GABRB3: variants seen among roughly 807,000 people sequenced by gnomAD.
GABRB3 encodes gamma-aminobutyric acid receptor subunit beta-3.
Under a neutral mutation model 52.1 loss-of-function variants are expected in GABRB3, and 14 were observed. That is an observed-to-expected ratio of 0.27 (90% CI 0.18 to 0.42). The LOEUF (loss-of-function observed/expected upper bound fraction) is 0.42, where lower values mean the gene tolerates loss of function less well. GABRB3 is among the 10% of genes least tolerant of loss of function. The probability of loss-of-function intolerance (pLI) is 1.00; values close to 1 mark genes in which losing one functional copy is unlikely to be tolerated. For synonymous variants in GABRB3, 260 were observed against 232.3 expected, an observed-to-expected ratio of 1.12 and a Z score of -1.08; for missense variants, 307 against 609.1, an observed-to-expected ratio of 0.50 and a Z score of 5.22.
rs759056632 is a variant in GABRB3, at chr15:26,611,000, T to C, written c.461+10314A>G. Among the ~76,000 whole-genome samples the C allele has an allele frequency of 1.6e-3, 251 of 152,220 alleles. 3 individuals carry two copies. The highest frequency in any genetic ancestry group is 1.2e-3 in the Non-Finnish European group (80 of 68,038). ...TTGAGAAATGACTAATTTAGGCTTGTTGATTTAATGAAAACAGCCGAATCT... is the reference window on the plus strand; with the variant it reads ...TTGAGAAATGACTAATTTAGGCTTGCTGATTTAATGAAAACAGCCGAATCT... On this transcript the variant is annotated intron_variant, in intron 4 of 8. Coordinates refer to ENST00000311550, the MANE Select transcript of GABRB3 (RefSeq NM_000814.6).
At chr15:26,600,188 A>G (rs967327676) in intron 4 of GABRB3, among the ~76,000 whole-genome samples, 1 of 152,080 alleles carries the variant, frequency 6.6e-6, no homozygotes, top group African/African-American at 2.4e-5. Flanking sequence ...TTATCCAGTC[A>G]GATAAACAAG....
At chr15:26,684,302 G>A (rs994400181) in intron 3 of GABRB3, among the ~76,000 whole-genome samples, 1 of 152,298 alleles carries the variant, frequency 6.6e-6, no homozygotes, top group East Asian at 1.9e-4. Flanking sequence ...ATTCCTGGAC[G>A]CAGGGTGGAG....
At chr15:26,571,751 T>C (rs906911790) in intron 6 of GABRB3, among the ~76,000 whole-genome samples, 4 of 152,140 alleles carry the variant, frequency 2.6e-5, no homozygotes, top group Non-Finnish European at 4.4e-5. Flanking sequence ...AAATATACCA[T>C]TTTCTTTTGC....
Position 26,554,154 on chromosome 15 carries a change from ATATAAAG to A in GABRB3, c.1081-6027_1081-6021del, listed in dbSNP as rs1339949032. Reference sequence around the variant, plus strand: ...ATATATATATATAAAGTATATATATATATAAAGTATATATATATAAAGTATATATATA... The same window carrying A: ...ATATATATATATAAAGTATATATATATATATATATATAAAGTATATATATA... On this transcript the variant is annotated intron_variant, in intron 8 of 8. Transcript: ENST00000311550. Among the ~76,000 whole-genome samples, 123 of 48,134 alleles carry A rather than the reference ATATAAAG, an allele frequency of 2.6e-3. 7 individuals carry two copies. The highest frequency in any genetic ancestry group is 0.012 in the African/African-American group (114 of 9,364). The allele number at this position is 48,134 out of a possible 152,430, so 31.6% of individuals were successfully genotyped here.
chr15:26,616,627 A>C (rs1892268005), intron 4 of GABRB3, among the ~76,000 whole-genome samples: 1 of 151,650 alleles, frequency 6.6e-6, no homozygotes, highest in Admixed American at 6.6e-5. Context: ...CCAGCTACTT[A>C]CTTAAAAATC....
intron 3 of GABRB3, among the ~76,000 whole-genome samples, chr15:26,629,657 C>G (rs1030518660): frequency 1.3e-5 from 2 of 152,146 alleles, no homozygotes; most frequent in Non-Finnish European, 2.9e-5. Flanking sequence ...TGGTAACACT[C>G]CACTTCTCAC....
At chr15:26,620,600 C>A (rs1483327982) in intron 4 of GABRB3, among the ~76,000 whole-genome samples, 1 of 152,082 alleles carries the variant, frequency 6.6e-6, no homozygotes, top group Non-Finnish European at 1.5e-5. Flanking sequence ...AATAAAACAA[C>A]CCAAAAATCA....
intron 3 of GABRB3, among the ~76,000 whole-genome samples, chr15:26,656,539 A>C (rs1305429135): frequency 6.6e-6 from 1 of 152,210 alleles, no homozygotes; most frequent in Non-Finnish European, 1.5e-5. Context: ...GTGGCCTGTT[A>C]GGAACTGGGC....
chr15:26,621,538 G>A lies in GABRB3; in HGVS notation c.241-4C>T. Reference sequence around the variant, plus strand: ...AATACATGGTTAAGGTATAATCCTGGGGGGAAAAGAAAAGAAAGAAAGTTA... The same window carrying A: ...AATACATGGTTAAGGTATAATCCTGAGGGGAAAAGAAAAGAAAGAAAGTTA... On this transcript the variant is annotated splice_polypyrimidine_tract_variant and splice_region_variant and intron_variant, in intron 3 of 8. Coordinates refer to ENST00000311550, the MANE Select transcript of GABRB3 (RefSeq NM_000814.6). This position sits in a 1 kb window ranked among gnomAD's most constrained non-coding sequence, Gnocchi z 4.1. 1 of 1,608,110 alleles carries A rather than the reference G, an allele frequency of 6.2e-7. No individual in the cohort carries two copies. Among genetic ancestry groups the A allele is most frequent in the Non-Finnish European group, 8.5e-7 (1 of 1,174,864 alleles).
At chr15:26,769,302 G>T (rs1196340236) in intron 3 of GABRB3, among the ~76,000 whole-genome samples, 2 of 152,174 alleles carry the variant, frequency 1.3e-5, no homozygotes, top group Admixed American at 6.6e-5. Flanking sequence ...AACCTGAGGA[G>T]AAAATTTCAA....
chr15:26,753,891 C>T (rs1566830396), intron 3 of GABRB3, among the ~76,000 whole-genome samples: 1 of 152,164 alleles, frequency 6.6e-6, no homozygotes, highest in Non-Finnish European at 1.5e-5. Context: ...GGAAACAGAA[C>T]TTGAGTTCCA....
intron 6 of GABRB3, among the ~76,000 whole-genome samples, chr15:26,577,974 A>G (rs1429900249): frequency 1.3e-5 from 2 of 152,082 alleles, no homozygotes; most frequent in Admixed American, 1.3e-4. Context: ...TTTTATAGTG[A>G]TGAGGTCTCA....
rs1890555142 is a variant in GABRB3 at position 26,752,882 on chromosome 15, C to G, written c.240+19520G>C. ...CTGGCTCTGTCTGCCCCACTGCACT[C>G]TTTCTCTGGGCAATGCTTTCCTTGA... is the stretch of plus-strand genomic sequence containing the variant. On this transcript the variant is annotated intron_variant, in intron 3 of 8. Transcript: ENST00000311550. 2.0e-5 allele frequency among the ~76,000 whole-genome samples: 3 copies of G among 152,188 alleles called. No homozygotes were observed. In the South Asian group the frequency reaches 6.2e-4, roughly 31 times the overall value.
At chr15:26,772,169 C>T (rs868775950) in intron 3 of GABRB3, 2 of 453,796 alleles carry the variant, frequency 4.4e-6, no homozygotes, top group Middle Eastern at 6.0e-4. Context: ...CAGGACTCCC[C>T]CGCAGGAAGG....
chr15:26,750,051 T>A (rs1008452386), intron 3 of GABRB3: 1 of 152,158 alleles, frequency 6.6e-6, no homozygotes, highest in Non-Finnish European at 1.5e-5. Flanking sequence ...TTAGAAAAAA[T>A]TTTTAACTGT....
chr15:26,701,469 A>G (rs1023638198), intron 3 of GABRB3, among the ~76,000 whole-genome samples: 1 of 152,246 alleles, frequency 6.6e-6, no homozygotes, highest in African/African-American at 2.4e-5. Flanking sequence ...GAAAATTTAC[A>G]TTAAAAATAC....
At chr15:26,671,569 G>C (rs774804976) in intron 3 of GABRB3, among the ~76,000 whole-genome samples, 2 of 152,166 alleles carry the variant, frequency 1.3e-5, no homozygotes, top group Non-Finnish European at 2.9e-5. Context: ...GAATCTATAA[G>C]GGAGTTGTGT....
intron 8 of GABRB3, among the ~76,000 whole-genome samples, chr15:26,552,787 G>A (rs1390624652): frequency 6.6e-6 from 1 of 152,136 alleles, no homozygotes; most frequent in African/African-American, 2.4e-5. Context: ...GAAAGAAGTG[G>A]GTGGAGAGAA....
intron 8 of GABRB3, among the ~76,000 whole-genome samples, chr15:26,550,820 C>G (rs1472140534): frequency 6.6e-6 from 1 of 152,150 alleles, no homozygotes; most frequent in African/African-American, 2.4e-5. Flanking sequence ...TGTGGCCTAA[C>G]AGAATCATGA....
Sources: allele counts gnomAD v4.1 joint callset (sites outside exome capture counted in the v4.1 genomes callset), GRCh38; gene constraint gnomAD v4.1.1; non-coding constraint Gnocchi (gnomAD v3.1); transcripts MANE v1.5; gene names NCBI Gene and HGNC (gene_info 2026-07-23, HGNC 2026-07-21).